The following NEMP2 variants were observed in gnomAD, a reference collection of about 807,000 sequenced individuals.
NEMP2 encodes the protein UPF0571 transmembrane protein.
In NEMP2, 53 loss-of-function variants were observed where a neutral mutation model predicts 54.2. That is an observed-to-expected ratio of 0.98 (90% CI 0.78 to 1.23). The LOEUF (loss-of-function observed/expected upper bound fraction) is 1.23, where lower values mean the gene tolerates loss of function less well. Among genes scored for constraint, NEMP2 ranks in the 50% most tolerant of loss-of-function variants. NEMP2 has a pLI of 0.00. For synonymous variants in NEMP2, 197 were observed against 190.3 expected (o/e 1.04, Z -0.29); for missense variants, 455 against 511.3 (o/e 0.89, Z 1.06).
At chr2:190,504,195 G>C (rs10209172), downstream of NEMP2, 48,248 of 151,958 alleles carry the variant, frequency 0.32, 8,046 homozygotes, top group East Asian at 0.45. The surrounding 1 kb of genome is among the most constrained non-coding windows in gnomAD (Gnocchi z 5.6). Context: ...TCTGTAAAAC[G>C]GAAGTGATTA....
At chr2:190,549,071 A>G in the NEMP2 span, among the ~76,000 whole-genome samples, 3 of 152,182 alleles carry the variant, frequency 2.0e-5, no homozygotes, top group Admixed American at 1.3e-4. Context: ...TGATATATCT[A>G]TTGAAAAACT....
At position 190,504,729 on chromosome 2, in the gene NEMP2, A is replaced by C. The variant is rs903560264; in HGVS notation, c.*4460T>G. ...GTCAGTGTAGGATGCTATTCTTTTAAATTGTAAACTTACATTTGAAAAAAG... is the reference window on the plus strand; with the variant it reads ...GTCAGTGTAGGATGCTATTCTTTTACATTGTAAACTTACATTTGAAAAAAG... On this transcript the variant is annotated 3_prime_UTR_variant, in exon 9 of 9. Coordinates refer to ENST00000409150, the MANE Select transcript of NEMP2 (RefSeq NM_001142645.2). The surrounding 1 kb of genome is among the most constrained non-coding windows in gnomAD (Gnocchi z 5.6). 1.6e-4 allele frequency: 25 copies of C among 152,206 alleles called. No individual in the cohort carries two copies. Among genetic ancestry groups the C allele is most frequent in the African/African-American group, 4.6e-4 (19 of 41,436 alleles). The allele number at this position is 152,206 out of a possible 1,614,324, so 9.4% of individuals were successfully genotyped here.
the NEMP2 span, among the ~76,000 whole-genome samples, chr2:190,578,561 G>C: frequency 6.6e-6 from 1 of 152,106 alleles, no homozygotes; most frequent in Non-Finnish European, 1.5e-5. This position sits in a 1 kb window ranked among gnomAD's most constrained non-coding sequence, Gnocchi z 4.4. Flanking sequence ...GAGGAAGTGT[G>C]GGGTAGTATA....
the NEMP2 span, among the ~76,000 whole-genome samples, chr2:190,586,939 T>G: frequency 6.6e-6 from 1 of 152,206 alleles, no homozygotes; most frequent in Non-Finnish European, 1.5e-5. The surrounding 1 kb of genome is among the most constrained non-coding windows in gnomAD (Gnocchi z 4.5). Flanking sequence ...CTTTCTCCTC[T>G]TGTGAGAATT....
chr2:190,438,229 T>C, the NEMP2 span, among the ~76,000 whole-genome samples: 26 of 148,842 alleles, frequency 1.7e-4, no homozygotes, highest in Admixed American at 1.5e-3. This position sits in a 1 kb window ranked among gnomAD's most constrained non-coding sequence, Gnocchi z 5.2. Flanking sequence ...AAAAAAAATC[T>C]ATAGGCTGGG....
At chr2:190,644,555 G>A in the NEMP2 span, among the ~76,000 whole-genome samples, 3 of 152,196 alleles carry the variant, frequency 2.0e-5, no homozygotes, top group Non-Finnish European at 4.4e-5. This position sits in a 1 kb window ranked among gnomAD's most constrained non-coding sequence, Gnocchi z 4.4. Flanking sequence ...AAACCTGAGA[G>A]CAGCCATAAA....
the NEMP2 span, among the ~76,000 whole-genome samples, chr2:190,574,148 T>G: frequency 6.6e-6 from 1 of 152,242 alleles, no homozygotes; most frequent in Non-Finnish European, 1.5e-5. Context: ...TTTGCAACAT[T>G]TGTTTATGAA....
the NEMP2 span, among the ~76,000 whole-genome samples, chr2:190,616,498 G>A: frequency 6.6e-6 from 1 of 152,202 alleles, no homozygotes; most frequent in Non-Finnish European, 1.5e-5. This position sits in a 1 kb window ranked among gnomAD's most constrained non-coding sequence, Gnocchi z 5.1. Context: ...TTTTTCTCAA[G>A]TTGTATTTGA....
At chr2:190,641,486 G>C in the NEMP2 span, 1 of 152,406 alleles carries the variant, frequency 6.6e-6, no homozygotes, top group East Asian at 1.9e-4. Flanking sequence ...GAAGCCCAGA[G>C]ACTGAGCTGG....
chr2:190,497,651 C>T, the NEMP2 span: 2 of 1,614,042 alleles, frequency 1.2e-6, no homozygotes, highest in African/African-American at 2.7e-5. This position sits in a 1 kb window ranked among gnomAD's most constrained non-coding sequence, Gnocchi z 5.2. Flanking sequence ...TGTCTATGCA[C>T]TCTACCAAAT....
chr2:190,494,563 C>T, the NEMP2 span, among the ~76,000 whole-genome samples: 8 of 152,256 alleles, frequency 5.3e-5, no homozygotes, highest in East Asian at 1.5e-3. The surrounding 1 kb of genome is among the most constrained non-coding windows in gnomAD (Gnocchi z 5.7). Flanking sequence ...AAACTACAGA[C>T]CAATATCCCT....
the NEMP2 span, chr2:190,608,436 T>C: frequency 6.6e-6 from 1 of 152,218 alleles, no homozygotes; most frequent in African/African-American, 2.4e-5. The surrounding 1 kb of genome is among the most constrained non-coding windows in gnomAD (Gnocchi z 4.9). Flanking sequence ...TTGTGCTGGT[T>C]ACAGCACCTC....
At chr2:190,641,880 AG>A in the NEMP2 span, among the ~76,000 whole-genome samples, 2 of 152,232 alleles carry the variant, frequency 1.3e-5, no homozygotes, top group African/African-American at 4.8e-5. Context: ...AAGAAAAACA[AG>A]GCTCTAATCC....
chr2:190,635,107 G>C, the NEMP2 span, among the ~76,000 whole-genome samples: 1 of 152,216 alleles, frequency 6.6e-6, no homozygotes, highest in African/African-American at 2.4e-5. This position sits in a 1 kb window ranked among gnomAD's most constrained non-coding sequence, Gnocchi z 4.1. Context: ...TAGCTTGCCT[G>C]TTAGTGTACT....
the NEMP2 span, among the ~76,000 whole-genome samples, chr2:190,439,076 C>T: frequency 1.3e-5 from 2 of 152,050 alleles, no homozygotes; most frequent in African/African-American, 4.8e-5. This position sits in a 1 kb window ranked among gnomAD's most constrained non-coding sequence, Gnocchi z 5.8. Context: ...ATATTAAGGA[C>T]TCGGAATGCC....
chr2:190,424,839 A>T, the NEMP2 span, among the ~76,000 whole-genome samples: 1 of 152,198 alleles, frequency 6.6e-6, no homozygotes, highest in Admixed American at 6.5e-5. The surrounding 1 kb of genome is among the most constrained non-coding windows in gnomAD (Gnocchi z 5.9). Context: ...ATGCACAGCT[A>T]TATGATCTTT....
chr2:190,477,429 T>G, the NEMP2 span: 1 of 891,954 alleles, frequency 1.1e-6, no homozygotes, highest in Non-Finnish European at 1.3e-6. Context: ...TACATGCATA[T>G]AACTTTTTTA....
the NEMP2 span, among the ~76,000 whole-genome samples, chr2:190,635,272 A>C: frequency 2.6e-4 from 39 of 152,208 alleles, no homozygotes; most frequent in Non-Finnish European, 5.9e-5. This position sits in a 1 kb window ranked among gnomAD's most constrained non-coding sequence, Gnocchi z 4.1. Flanking sequence ...AATGGAGTGC[A>C]TTGGTGCAGT....
At chr2:190,565,096 T>G in the NEMP2 span, among the ~76,000 whole-genome samples, 8 of 152,180 alleles carry the variant, frequency 5.3e-5, no homozygotes, top group Non-Finnish European at 8.8e-5. Flanking sequence ...CAACTACTCT[T>G]GTGCCCCAGA....
Sources: gnomAD v4.1 joint callset for allele counts (sites outside exome capture counted in the v4.1 genomes callset) on GRCh38, gnomAD v4.1.1 for gene constraint, Gnocchi (gnomAD v3.1) non-coding constraint, MANE v1.5 for transcripts, NCBI Gene and HGNC (gene_info 2026-07-23, HGNC 2026-07-21) for gene names.